The following SRGAP1 variants were observed in gnomAD, a reference collection of about 807,000 sequenced individuals.
SRGAP1 encodes SLIT-ROBO Rho GTPase activating protein 1, also known as SLIT-ROBO Rho GTPase-activating protein 1.
A neutral mutation model predicts 121.9 loss-of-function variants in SRGAP1; 43 were observed. The observed-to-expected ratio is 0.35, with a 90% CI of 0.28 to 0.46. SRGAP1 has a LOEUF of 0.46. SRGAP1 is among the 20% of genes least tolerant of loss of function. The pLI is 1.00. For synonymous variants in SRGAP1, 447 were observed against 485.4 expected (o/e 0.92, Z 1.04); for missense variants, 1,102 against 1,350.9 (o/e 0.82, Z 2.89).
At chr12:64,052,567 CAAAAT>C (rs2035257233) in intron 6 of SRGAP1, among the ~76,000 whole-genome samples, 3 of 149,786 alleles carry the variant, frequency 2.0e-5, no homozygotes, top group African/African-American at 7.4e-5. Context: ...AAAAAAAAAA[CAAAAT>C]AAACGTATAT....
chr12:64,091,435 C>T, intron 12 of SRGAP1, 57 bp downstream of exon 12: 1 of 1,306,490 alleles, frequency 7.7e-7, no homozygotes, highest in South Asian at 1.4e-5. Flanking sequence ...ATAATGGTCT[C>T]AGCCTCTTGT....
chr12:63,909,970 A>G (rs1242100697), intron 1 of SRGAP1, among the ~76,000 whole-genome samples: 1 of 152,238 alleles, frequency 6.6e-6, no homozygotes, highest in Non-Finnish European at 1.5e-5. Flanking sequence ...TCAACCCGTT[A>G]TAGATGTTAA....
At chr12:63,940,031 G>A (rs1055022322) in intron 1 of SRGAP1, among the ~76,000 whole-genome samples, 1 of 151,270 alleles carries the variant, frequency 6.6e-6, no homozygotes, top group African/African-American at 2.4e-5. Flanking sequence ...GCGCAATCTC[G>A]GCTCACTACA....
Position 64,091,551 on chromosome 12 carries a change from G to T in SRGAP1, c.1539+173G>T, listed in dbSNP as rs544523874. Among the ~76,000 whole-genome samples the T allele has an allele frequency of 2.0e-5, 3 of 152,178 alleles. No individual in the cohort carries two copies. In the South Asian group the frequency reaches 6.2e-4, roughly 32 times the overall value. On this transcript the variant is annotated intron_variant, in intron 12 of 21. Coordinates refer to ENST00000355086, the MANE Select transcript of SRGAP1 (RefSeq NM_020762.4). ...TCAGAGAGGAAAGAATATTTGGGTC[G>T]AGTGCCTTCAGAAGAGAGAATAAAT...
chr12:63,936,183 T>C (rs79551140), intron 1 of SRGAP1, among the ~76,000 whole-genome samples: 48 of 152,308 alleles, frequency 3.2e-4, no homozygotes, highest in African/African-American at 1.1e-3. Flanking sequence ...CAATAAGAGA[T>C]ACACGAATCC....
chr12:64,099,615 T>C (rs2036223211), intron 15 of SRGAP1, among the ~76,000 whole-genome samples: 1 of 152,146 alleles, frequency 6.6e-6, no homozygotes, highest in Admixed American at 6.5e-5. Context: ...TTGCGTAGCC[T>C]GAGTCATCAC....
intron 1 of SRGAP1, among the ~76,000 whole-genome samples, chr12:63,883,319 G>C (rs116836405): frequency 3.3e-5 from 5 of 152,226 alleles, no homozygotes; most frequent in African/African-American, 1.2e-4. Flanking sequence ...CTTGAAACTG[G>C]ACACAGTTTT....
rs575092194 is a variant in SRGAP1 at position 64,130,098 on chromosome 12, A to T, written c.2880+1898A>T. 2.6e-5 allele frequency among the ~76,000 whole-genome samples: 4 copies of T among 152,190 alleles called. No individual in the cohort carries two copies. The South Asian group carries it at 8.3e-4, about 32-fold the overall frequency. ...ATTGGGCTATTGTAGTTTCCCATTG[A>T]CCTTAATCACAGAGCGTGGTAATAC... On this transcript the variant is annotated intron_variant, in intron 21 of 21. Coordinates refer to ENST00000355086, the MANE Select transcript of SRGAP1 (RefSeq NM_020762.4).
At chr12:63,855,596 T>G (rs1408759001) in intron 1 of SRGAP1, among the ~76,000 whole-genome samples, 1 of 139,732 alleles carries the variant, frequency 7.2e-6, no homozygotes, top group Non-Finnish European at 1.5e-5. Context: ...GTTCAGGCAA[T>G]TCTCATGCCT....
chr12:63,886,023 G>A (rs1324927199), intron 1 of SRGAP1, among the ~76,000 whole-genome samples: 1 of 152,130 alleles, frequency 6.6e-6, no homozygotes, highest in Non-Finnish European at 1.5e-5. Context: ...ATTAAAGTTT[G>A]GATCTTACAT....
intron 1 of SRGAP1, among the ~76,000 whole-genome samples, chr12:63,940,965 A>G (rs1463165370): frequency 1.3e-5 from 2 of 152,130 alleles, no homozygotes; most frequent in Non-Finnish European, 2.9e-5. Context: ...GTTTTACTCT[A>G]GATGAGAGCT....
intron 8 of SRGAP1, among the ~76,000 whole-genome samples, chr12:64,078,519 A>G (rs114538802): frequency 0.012 from 1,883 of 152,330 alleles, 32 homozygotes; most frequent in African/African-American, 0.04. Flanking sequence ...AAGCAGTCTC[A>G]TAATATACTT....
At chr12:64,000,153 G>A (rs553842794) in intron 3 of SRGAP1, among the ~76,000 whole-genome samples, 3 of 151,856 alleles carry the variant, frequency 2.0e-5, no homozygotes, top group African/African-American at 7.2e-5. Context: ...CAGCAAATGT[G>A]GACAGTATTG....
At position 64,111,772 on chromosome 12, in the gene SRGAP1, T is replaced by C. The variant is rs773118983; in HGVS notation, c.1930T>C (p.Tyr644His). ...LFAFLNHLSQ[Y>H]SDENMMDPYN... ...TGTTTCCTTTTGTAGTCTATCACAG[T>C]ACAGCGATGAGAATATGATGGACCC... The change falls in exon 17 of 22, where the codon TAC (tyrosine) becomes CAC (histidine). Residue 644 changes from tyrosine (Y) to histidine (H), a missense_variant. Tyr to His is a moderately conservative substitution (Grantham distance 83, BLOSUM62 2). Coordinates refer to ENST00000355086, the MANE Select transcript of SRGAP1 (RefSeq NM_020762.4). 1 of 1,611,788 alleles carries C rather than the reference T, an allele frequency of 6.2e-7. No homozygotes were observed. Among genetic ancestry groups the C allele is most frequent in the African/African-American group, 1.3e-5 (1 of 74,888 alleles).
intron 21 of SRGAP1, among the ~76,000 whole-genome samples, chr12:64,130,180 C>G (rs1029146966): frequency 6.6e-6 from 1 of 152,132 alleles, no homozygotes; most frequent in African/African-American, 2.4e-5. Flanking sequence ...TTACCTGCAT[C>G]GTGGAGTAGT....
intron 1 of SRGAP1, among the ~76,000 whole-genome samples, chr12:63,890,022 TG>T (rs1900525094): frequency 6.6e-6 from 1 of 152,212 alleles, no homozygotes; most frequent in South Asian, 2.1e-4. Context: ...TCTTCCTAAC[TG>T]GTCTGTAGCT....
At chr12:64,056,787 G>A (rs897224266) in intron 6 of SRGAP1, among the ~76,000 whole-genome samples, 5 of 151,930 alleles carry the variant, frequency 3.3e-5, no homozygotes, top group East Asian at 1.9e-4. Context: ...GCTTTTTCTC[G>A]CCTGGGGCCT....
At chr12:63,946,338 C>G (rs2032046824) in intron 1 of SRGAP1, among the ~76,000 whole-genome samples, 1 of 144,638 alleles carries the variant, frequency 6.9e-6, no homozygotes, top group Non-Finnish European at 1.5e-5. Flanking sequence ...TGACCATAAA[C>G]TTCATATATT....
At chr12:63,864,899 T>G (rs933273233) in intron 1 of SRGAP1, among the ~76,000 whole-genome samples, 3 of 152,048 alleles carry the variant, frequency 2.0e-5, no homozygotes, top group Non-Finnish European at 1.5e-5. Context: ...AAAAAAAAAT[T>G]CCACTCATAT....
Sources: gnomAD v4.1 joint callset for allele counts (sites outside exome capture counted in the v4.1 genomes callset) on GRCh38, gnomAD v4.1.1 for gene constraint, MANE v1.5 for transcripts, NCBI Gene and HGNC (gene_info 2026-07-23, HGNC 2026-07-21) for gene names.